Variants in POMZP3 observed in about 807,000 individuals in gnomAD.
POMZP3 encodes POM121 and ZP3 fusion protein.
A neutral mutation model predicts 19.8 loss-of-function variants in POMZP3; 10 were observed. That is an observed-to-expected ratio of 0.51 (90% confidence interval 0.31 to 0.86). The LOEUF (loss-of-function observed/expected upper bound fraction) is 0.86, where lower values mean the gene tolerates loss of function less well. Ranked by LOEUF, POMZP3 falls within the 40% of genes least tolerant of loss-of-function variation. The pLI, the probability that POMZP3 is intolerant of heterozygous loss-of-function variation, is 0.04. For missense variants in POMZP3, 152 were observed against 228.1 expected, an observed-to-expected ratio of 0.67 and a Z score of 2.15; for synonymous variants, 57 against 85.8, an observed-to-expected ratio of 0.66 and a Z score of 1.85.
intron 3 of POMZP3, among the ~76,000 whole-genome samples, chr7:76,623,884 T>C (rs1211782954): frequency 2.1e-4 from 31 of 151,136 alleles, no homozygotes; most frequent in Non-Finnish European, 4.1e-4. Flanking sequence ...ATAAGTTTTT[T>C]GTTAAATAAG....
At chr7:76,624,506 C>T (rs1276744728) in intron 3 of POMZP3, among the ~76,000 whole-genome samples, 3 of 151,724 alleles carry the variant, frequency 2.0e-5, no homozygotes, top group African/African-American at 7.3e-5. Flanking sequence ...CATGCACTGG[C>T]ATGGTCTCGG....
chr7:76,618,579 C>T, intron 3 of POMZP3: 2 of 433,806 alleles, frequency 4.6e-6, no homozygotes, highest in East Asian at 4.8e-5. Context: ...CAAAATTGCA[C>T]CATTGCACTA....
chr7:76,620,742 A>G (rs1366047078), intron 3 of POMZP3, among the ~76,000 whole-genome samples: 1 of 151,978 alleles, frequency 6.6e-6, no homozygotes, highest in Non-Finnish European at 1.5e-5. Flanking sequence ...TGCAGGGATT[A>G]CAGGCGTGAG....
At chr7:76,622,374 G>T (rs924858303) in intron 3 of POMZP3, among the ~76,000 whole-genome samples, 14 of 62,798 alleles carry the variant, frequency 2.2e-4, no homozygotes, top group South Asian at 1.1e-3. Context: ...TCATTCTCAA[G>T]TTTTTTTTTT....
chr7:76,610,386 T>A (rs1799146), intron 6 of POMZP3, among the ~76,000 whole-genome samples, 171 bp from the exon 7 acceptor site: 95,160 of 151,902 alleles, frequency 0.63, 30,793 homozygotes, highest in African/African-American at 0.78. Flanking sequence ...TGTGATGGCT[T>A]ATGCCTGTAA....
intron 4 of POMZP3, 30 bp from the exon 5 acceptor site, chr7:76,611,843 G>A (rs879536055): frequency 1.6e-5 from 25 of 1,519,516 alleles, no homozygotes; most frequent in Middle Eastern, 4.3e-4. Context: ...TTTCCAGGCC[G>A]AGTTCCAGGC....
chr7:76,626,570 C>T (rs1380282739), intron 1 of POMZP3, 138 bp downstream of exon 1: 7 of 727,846 alleles, frequency 9.6e-6, no homozygotes, highest in African/African-American at 1.8e-5. Context: ...AGACGGCTGG[C>T]ACACACCAAG....
chr7:76,610,274 G>A (rs1815028875), intron 6 of POMZP3, 59 bp from the exon 7 acceptor site: 4 of 1,611,314 alleles, frequency 2.5e-6, no homozygotes, highest in Non-Finnish European at 3.4e-6. Context: ...GAACTGGGTT[G>A]GAGGTTTTAT....
intron 4 of POMZP3, among the ~76,000 whole-genome samples, chr7:76,614,943 T>C (rs1815239893): frequency 9.7e-6 from 1 of 102,616 alleles, no homozygotes; most frequent in Non-Finnish European, 2.0e-5. Context: ...CTTAAACACC[T>C]GAACTCTGAT....
intron 3 of POMZP3, among the ~76,000 whole-genome samples, chr7:76,619,188 C>T (rs1374118830): frequency 6.6e-6 from 1 of 152,022 alleles, no homozygotes. Context: ...CACATAAGGT[C>T]GGGAGTTTGG....
chr7:76,626,797 T>TGTGGAGGGCGGC lies in POMZP3; in HGVS notation c.-242_-241insGCCGCCCTCCAC. 2 of 1,295,306 alleles carry TGTGGAGGGCGGC rather than the reference T, an allele frequency of 1.5e-6. No individual in the cohort carries two copies. The highest frequency in any genetic ancestry group is 2.5e-4 in the Middle Eastern group (1 of 3,964). 80.2% of individuals were successfully genotyped at this position (1,295,306 alleles called of 1,614,324 possible). A position where few individuals can be genotyped will look rare whatever the true frequency, so the allele number is the denominator to read the frequency against. On this transcript the variant is annotated 5_prime_UTR_variant, in exon 1 of 7. Transcript: ENST00000310842. ...CGCGATGGGTCGGCGGGGAGGGCGG[T>TGTGGAGGGCGGC]GTGGAGCGCGGCGCCGGGCGGGCGG...
rs1280980254 is a variant in POMZP3 at position 76,627,040 on chromosome 7, G to A, written c.-484C>T. On this transcript the variant is annotated 5_prime_UTR_variant, in exon 1 of 7. Coordinates refer to ENST00000310842, the MANE Select transcript of POMZP3 (RefSeq NM_012230.5). ...ATGTCGCGCCTTCTGAACGAAGGAG[G>A]ACAAGGGGCGCGAACCTCGGGGCTC... is the stretch of plus-strand genomic sequence containing the variant. The A allele has an allele frequency of 3.8e-6, 5 of 1,326,590 alleles. No homozygotes were observed. Among genetic ancestry groups the A allele is most frequent in the East Asian group, 5.5e-5 (2 of 36,408 alleles). The allele number at this position is 1,326,590 out of a possible 1,614,324, so 82.2% of individuals were successfully genotyped here.
At chr7:76,619,347 CA>C (rs1815419969) in intron 3 of POMZP3, among the ~76,000 whole-genome samples, 1 of 152,020 alleles carries the variant, frequency 6.6e-6, no homozygotes, top group South Asian at 2.1e-4. Context: ...GAGATCGTGC[CA>C]TTGCACTCCA....
In POMZP3 at chr7:76,617,320, T is replaced by C. The variant is rs1305871604; in HGVS notation, c.345+863A>G. Among the ~76,000 whole-genome samples, 6 of 96,440 alleles carry C rather than the reference T, an allele frequency of 6.2e-5. 1 individual carries two copies. The highest frequency in any genetic ancestry group is 2.8e-4 in the African/African-American group (6 of 21,078). 63.3% of individuals were successfully genotyped at this position (96,440 alleles called of 152,430 possible). A position where few individuals can be genotyped will look rare whatever the true frequency, so the allele number is the denominator to read the frequency against. On this transcript the variant is annotated intron_variant, in intron 4 of 6. Coordinates refer to ENST00000310842, the MANE Select transcript of POMZP3 (RefSeq NM_012230.5). Reference sequence around the variant, plus strand: ...CCAGTACTTCCTGGCTAGATGTTGGTCCTGGCACCTGCACTTCCTACTGCA... The same window carrying C: ...CCAGTACTTCCTGGCTAGATGTTGGCCCTGGCACCTGCACTTCCTACTGCA...
chr7:76,623,268 C>T (rs925902337), intron 3 of POMZP3, among the ~76,000 whole-genome samples: 9 of 151,778 alleles, frequency 5.9e-5, no homozygotes, highest in African/African-American at 1.5e-4. Flanking sequence ...TCTTATGACT[C>T]TTTAATGTCA....
At chr7:76,626,354 A>G in intron 1 of POMZP3, 139 bp from the exon 2 acceptor site, 1 of 845,838 alleles carries the variant, frequency 1.2e-6, no homozygotes, top group Non-Finnish European at 1.8e-6. Context: ...CGTTGTTTTT[A>G]TGGCAACTTT....
chr7:76,620,688 G>A lies in POMZP3; in HGVS notation c.228-2388C>T, dbSNP rs563932243. 2.0e-5 allele frequency among the ~76,000 whole-genome samples: 3 copies of A among 151,884 alleles called. No individual in the cohort carries two copies. The South Asian group carries it at 6.2e-4, about 32-fold the overall frequency. On this transcript the variant is annotated intron_variant, in intron 3 of 6. Coordinates refer to ENST00000310842, the MANE Select transcript of POMZP3 (RefSeq NM_012230.5). ...ACGCCATGTTGGCCAGGCTGGTCTT[G>A]AACTTCTGACCTCAGGTGATCTGCC... is the stretch of plus-strand genomic sequence containing the variant.
At position 76,611,503 on chromosome 7, in the gene POMZP3, G is replaced by A. The variant is rs769735287; in HGVS notation, c.526C>T (p.Arg176Cys). The change falls in exon 6 of 7, where the codon CGT (arginine) becomes TGT (cysteine). Residue 176 changes from arginine to cysteine, a missense_variant. This residue lies in a region of POMZP3 where 65 missense variants were observed against 86.2 expected (regional missense o/e 0.75). Transcript: ENST00000310842. ...GTPSHSRRQP[R>C]VVSQWSTSAS... ...GACGTGGACCACTGGCTCACGACAC[G>A]AGGCTGCCTCCTGGAATGGCTTGGA... The A allele has an allele frequency of 1.1e-5, 17 of 1,604,778 alleles. No homozygotes were observed. The highest frequency in any genetic ancestry group is 1.7e-4 in the Middle Eastern group (1 of 6,060).
intron 3 of POMZP3, among the ~76,000 whole-genome samples, chr7:76,624,375 C>T (rs937001601): frequency 1.2e-4 from 18 of 151,826 alleles, no homozygotes; most frequent in Non-Finnish European, 2.2e-4. Flanking sequence ...ATGGCGAAAC[C>T]CACTTCAACT....
Sources: gnomAD v4.1 joint callset for allele counts (sites outside exome capture counted in the v4.1 genomes callset) on GRCh38, gnomAD v4.1.1 for gene constraint, gnomAD v4.1.1 regional missense constraint, MANE v1.5 for transcripts, NCBI Gene and HGNC (gene_info 2026-07-23, HGNC 2026-07-21) for gene names.